The following MAF variants were observed in gnomAD, a reference collection of about 807,000 sequenced individuals.
MAF encodes the protein transcription factor Maf.
A neutral mutation model predicts 22.0 loss-of-function variants in MAF; 10 were observed. The ratio of observed to expected loss-of-function variants is 0.45; its 90% confidence interval spans 0.28 to 0.77. The LOEUF (loss-of-function observed/expected upper bound fraction) is 0.77, where lower values mean the gene tolerates loss of function less well. MAF is among the 30% of genes least tolerant of loss of function. The pLI is 0.12. For synonymous variants in MAF, 337 were observed against 255.8 expected (o/e 1.32, Z -3.03); for missense variants, 544 against 548.4 (o/e 0.99, Z 0.08).
At chr16:79,460,703 T>G in the MAF span, among the ~76,000 whole-genome samples, 3 of 152,206 alleles carry the variant, frequency 2.0e-5, no homozygotes, top group African/African-American at 7.2e-5. Context: ...TAGGGTTATA[T>G]TTTGAACCTA....
chr16:79,225,190 G>T, the MAF span, among the ~76,000 whole-genome samples: 1 of 152,012 alleles, frequency 6.6e-6, no homozygotes, highest in Admixed American at 6.6e-5. Context: ...CAGAACAAAG[G>T]CCTCAGAAAT....
chr16:79,217,562 T>C, the MAF span, among the ~76,000 whole-genome samples: 1 of 152,234 alleles, frequency 6.6e-6, no homozygotes, highest in Admixed American at 6.5e-5. Context: ...TGACTGTAAG[T>C]TGGTCTGCAC....
the MAF span, among the ~76,000 whole-genome samples, chr16:79,442,364 T>C: frequency 1.3e-5 from 2 of 148,988 alleles, no homozygotes; most frequent in African/African-American, 4.9e-5. Flanking sequence ...TTTTATTTTA[T>C]TTATTTATTT....
chr16:79,307,291 C>A, the MAF span, among the ~76,000 whole-genome samples: 96 of 152,300 alleles, frequency 6.3e-4, no homozygotes, highest in African/African-American at 2.3e-3. Context: ...GCTGGCCCAG[C>A]CTGGGCTTCT....
the MAF span, among the ~76,000 whole-genome samples, chr16:79,332,297 A>G: frequency 4.2e-4 from 64 of 152,190 alleles, 1 homozygote; most frequent in African/African-American, 1.5e-3. Context: ...AAGCACAATA[A>G]TAATAATATT....
At chr16:79,364,266 T>A in the MAF span, among the ~76,000 whole-genome samples, 3 of 152,076 alleles carry the variant, frequency 2.0e-5, no homozygotes, top group Non-Finnish European at 4.4e-5. Flanking sequence ...GTGGGAGGAA[T>A]GGAACTCAAG....
the MAF span, among the ~76,000 whole-genome samples, chr16:79,248,932 G>C: frequency 1.2e-4 from 19 of 152,242 alleles, no homozygotes; most frequent in African/African-American, 4.6e-4. Flanking sequence ...ATTGCATTGG[G>C]TAAGAACATT....
the MAF span, among the ~76,000 whole-genome samples, chr16:79,389,788 A>G: frequency 1.3e-5 from 2 of 151,560 alleles, no homozygotes; most frequent in Non-Finnish European, 2.9e-5. Context: ...CATGCTGGCT[A>G]ACATGGTGAA....
At chr16:79,574,113 A>T in the MAF span, among the ~76,000 whole-genome samples, 1 of 152,224 alleles carries the variant, frequency 6.6e-6, no homozygotes, top group African/African-American at 2.4e-5. Flanking sequence ...GTCCAAGAGG[A>T]GATGAGAAAT....
chr16:79,231,965 G>A, the MAF span, among the ~76,000 whole-genome samples: 325 of 152,104 alleles, frequency 2.1e-3, 7 homozygotes, highest in East Asian at 0.054. Context: ...CTCATAAGGA[G>A]CACACAACCT....
the MAF span, among the ~76,000 whole-genome samples, chr16:79,441,087 G>C: frequency 0.017 from 2,617 of 152,264 alleles, 35 homozygotes; most frequent in Middle Eastern, 0.041. Context: ...TGTATTAATA[G>C]AATCTCTTCC....
chr16:79,273,630 T>C, the MAF span, among the ~76,000 whole-genome samples: 4 of 152,192 alleles, frequency 2.6e-5, no homozygotes, highest in African/African-American at 9.6e-5. Context: ...TTCCTCTGTC[T>C]TCAAAGCCAG....
At chr16:79,515,535 G>A in the MAF span, among the ~76,000 whole-genome samples, 1 of 152,210 alleles carries the variant, frequency 6.6e-6, no homozygotes, top group Non-Finnish European at 1.5e-5. Flanking sequence ...TTTTAAGTAA[G>A]CGAGGCTAGG....
At chr16:79,358,878 G>A in the MAF span, among the ~76,000 whole-genome samples, 42 of 152,308 alleles carry the variant, frequency 2.8e-4, no homozygotes, top group Non-Finnish European at 5.1e-4. Flanking sequence ...AGGCTGCTCC[G>A]ATGGGAGGGA....
At chr16:79,390,427 G>C in the MAF span, among the ~76,000 whole-genome samples, 2 of 152,066 alleles carry the variant, frequency 1.3e-5, no homozygotes, top group Non-Finnish European at 2.9e-5. Context: ...GCCACCTTTG[G>C]TTATTAACAT....
chr16:79,210,575 C>G, the MAF span, among the ~76,000 whole-genome samples: 2 of 152,192 alleles, frequency 1.3e-5, no homozygotes, highest in African/African-American at 4.8e-5. Context: ...CCCTCTCCCT[C>G]TCATCAGCTG....
At chr16:79,246,304 G>T in the MAF span, among the ~76,000 whole-genome samples, 11 of 152,096 alleles carry the variant, frequency 7.2e-5, no homozygotes, top group African/African-American at 2.7e-4. Context: ...TAGAAAAAGA[G>T]TCCATCTGTT....
chr16:79,208,966 G>T, the MAF span, among the ~76,000 whole-genome samples: 1 of 152,194 alleles, frequency 6.6e-6, no homozygotes, highest in South Asian at 2.1e-4. Context: ...ATCTGAGAAG[G>T]AGAATTTGCC....
At chr16:79,327,459 T>C in the MAF span, among the ~76,000 whole-genome samples, 1 of 152,192 alleles carries the variant, frequency 6.6e-6, no homozygotes, top group African/African-American at 2.4e-5. Flanking sequence ...GGGATGGCAG[T>C]GTCCATGCAC....
Sources: gnomAD v4.1 joint callset for allele counts (sites outside exome capture counted in the v4.1 genomes callset) on GRCh38, gnomAD v4.1.1 for gene constraint, MANE v1.5 for transcripts, NCBI Gene and HGNC (gene_info 2026-07-23, HGNC 2026-07-21) for gene names.